The following ADCK5 variants were observed in gnomAD, a reference collection of about 807,000 sequenced individuals.
ADCK5 encodes the protein uncharacterized aarF domain-containing protein kinase 5.
Under a neutral mutation model 64.9 loss-of-function variants are expected in ADCK5, and 43 were observed. That is an observed-to-expected ratio of 0.66 (90% CI 0.52 to 0.85). ADCK5 has a LOEUF of 0.85. Among genes scored for constraint, ADCK5 ranks in the 40% least tolerant of loss-of-function variants. The pLI is 0.00. For missense variants in ADCK5, 760 were observed against 810.5 expected (o/e 0.94, Z 0.76); for synonymous variants, 434 against 342.8 (o/e 1.27, Z -2.94).
chr8:144,388,552 C>T (rs1177969824), intron 3 of ADCK5, among the ~76,000 whole-genome samples: 13 of 151,958 alleles, frequency 8.6e-5, no homozygotes, highest in Non-Finnish European at 1.5e-4. Context: ...ATCACGAGGT[C>T]GGGAGATCGA....
At chr8:144,385,950 C>T (rs1225678521) in intron 3 of ADCK5, among the ~76,000 whole-genome samples, 2 of 150,988 alleles carry the variant, frequency 1.3e-5, no homozygotes, top group Admixed American at 6.6e-5. Flanking sequence ...GGTGACAGAG[C>T]GACTCTCTGT....
At chr8:144,385,358 A>G (rs542401779) in intron 3 of ADCK5, among the ~76,000 whole-genome samples, 1 of 151,354 alleles carries the variant, frequency 6.6e-6, no homozygotes, top group African/African-American at 2.4e-5. Context: ...TAGTTTTTGT[A>G]TTTTTAGTAG....
In ADCK5 at chr8:144,380,169, A is replaced by G. The variant is rs138683002; in HGVS notation, c.116+679A>G. Among the ~76,000 whole-genome samples, 1,190 of 152,286 alleles carry G rather than the reference A, an allele frequency of 7.8e-3. 13 individuals are homozygous for G. The highest frequency in any genetic ancestry group is 0.027 in the African/African-American group (1,137 of 41,558). Reference sequence around the variant, plus strand: ...GTGCACTCAGACACCTGCTGCACTCAGGATTATGGGCCGGGTGTAGAAACA... The same window carrying G: ...GTGCACTCAGACACCTGCTGCACTCGGGATTATGGGCCGGGTGTAGAAACA... On this transcript the variant is annotated intron_variant, in intron 2 of 14. Coordinates refer to ENST00000308860, the MANE Select transcript of ADCK5 (RefSeq NM_174922.5).
Position 144,384,241 on chromosome 8 carries a change from G to A in ADCK5, c.266+1011G>A, listed in dbSNP as rs991330059. Among the ~76,000 whole-genome samples, 26 of 152,010 alleles carry A rather than the reference G, an allele frequency of 1.7e-4. No individual in the cohort carries two copies. The highest frequency in any genetic ancestry group is 5.1e-4 in the African/African-American group (21 of 41,358). On this transcript the variant is annotated intron_variant, in intron 3 of 14. Coordinates refer to ENST00000308860, the MANE Select transcript of ADCK5 (RefSeq NM_174922.5). The surrounding 1 kb of genome is among the most constrained non-coding windows in gnomAD (Gnocchi z 5.7). ...AAAGCCCTTTTGAATGGAGCGTCAG[G>A]GCAGGAAGGAGGCAGGGAGGGTGTG...
chr8:144,381,674 C>G (rs781962472), intron 2 of ADCK5, among the ~76,000 whole-genome samples: 2 of 143,526 alleles, frequency 1.4e-5, no homozygotes, highest in Non-Finnish European at 3.0e-5. Context: ...AGGCACCTCC[C>G]GCAGTCAGAA....
chr8:144,383,180 G>T lies in ADCK5; in HGVS notation c.216G>T (p.Arg72=). ...LGARYVMAEA[R]EKRRMRLVVD... ...CCCGCTATGTCATGGCAGAGGCACG[G>T]GAGAAGAGGAGGATGCGGCTCGTGG... is the stretch of plus-strand genomic sequence containing the variant. Residue 72 remains arginine (R), a synonymous_variant, in exon 3 of 15, where the codon CGG becomes CGT. Transcript: ENST00000308860. 1 of 1,601,336 alleles carries T rather than the reference G, an allele frequency of 6.2e-7. No homozygotes were observed. The highest frequency in any genetic ancestry group is 8.5e-7 in the Non-Finnish European group (1 of 1,173,802).
chr8:144,380,264 A>G (rs1175373708), intron 2 of ADCK5, among the ~76,000 whole-genome samples: 1 of 146,018 alleles, frequency 6.8e-6, no homozygotes, highest in African/African-American at 2.6e-5. Context: ...GTGCTCAGGC[A>G]CCTCCCGCAG....
Position 144,392,021 on chromosome 8 carries a change from C to T in ADCK5, c.1095C>T (p.Asn365=), listed in dbSNP as rs190563627. ...GFIHSDPHPG[N]VLVRKGPDGK... ...TCCACTCGGACCCACATCCTGGCAA[C>T]GGTAGGAATTTACCCCAGGGGTGGG... Residue 365 remains asparagine (N), a splice_region_variant and synonymous_variant, in exon 10 of 15, where the codon AAC becomes AAT. Transcript: ENST00000308860. 3.1e-6 allele frequency: 5 copies of T among 1,612,576 alleles called. No individual in the cohort carries two copies. The Admixed American group carries it at 5.0e-5, about 16-fold the overall frequency.
At position 144,392,822 on chromosome 8, in the gene ADCK5, G is replaced by A. The variant is rs1299822319; in HGVS notation, c.1567G>A (p.Val523Ile). 2 of 1,592,862 alleles carry A rather than the reference G, an allele frequency of 1.3e-6. No individual in the cohort carries two copies. Among genetic ancestry groups the A allele is most frequent in the Non-Finnish European group, 1.7e-6 (2 of 1,174,234 alleles). Residue 523 changes from valine to isoleucine, a missense_variant, in exon 14 of 15, where the codon GTC (valine) becomes ATC (isoleucine). Physicochemically the swap from Val to Ile is conservative, Grantham distance 29 (BLOSUM62 3). Coordinates refer to ENST00000308860, the MANE Select transcript of ADCK5 (RefSeq NM_174922.5). Reference protein sequence around the residue: ...SRLAGATYRGVYGTSLLRHAK... With the variant: ...SRLAGATYRGIYGTSLLRHAK... ...CCTGGCGGGCGCCACGTATCGGGGT[G>A]TCTACGGCACCAGCCTCCTGCGCCA...
chr8:144,393,059 G>C lies in ADCK5; in HGVS notation c.1728G>C (p.Gln576His), dbSNP rs1554861719. The C allele has an allele frequency of 4.4e-6, 7 of 1,581,904 alleles. No homozygotes were observed. The highest frequency in any genetic ancestry group is 6.0e-6 in the Non-Finnish European group (7 of 1,168,532). ...SLVPPAEELY[Q>H]YLET ...TGCCCCCAGCGGAGGAGCTCTACCA[G>C]TACCTGGAGACCTAGGGTGCAGCCG... The change falls in exon 15 of 15, where the codon CAG becomes CAC. Residue 576 changes from glutamine to histidine, a missense_variant. By Grantham distance (24) the Gln-to-His change is conservative. Transcript: ENST00000308860.
In ADCK5 at chr8:144,384,947, C is replaced by T. The variant is rs956548408; in HGVS notation, c.266+1717C>T. Among the ~76,000 whole-genome samples, 2 of 152,128 alleles carry T rather than the reference C, an allele frequency of 1.3e-5. No individual in the cohort carries two copies. Among genetic ancestry groups the T allele is most frequent in the African/African-American group, 4.8e-5 (2 of 41,444 alleles). ...AAGCAGGCCTGTGGAGCTTCCCTGG[C>T]AGGGCACAGGGTAGCCTGGGAACAC... On this transcript the variant is annotated intron_variant, in intron 3 of 14. Transcript: ENST00000308860. The surrounding 1 kb of genome is among the most constrained non-coding windows in gnomAD (Gnocchi z 5.7).
intron 7 of ADCK5, 40 bp downstream of exon 7, chr8:144,391,514 C>CGTAGGCAGAGCTGGTAGGAGCAGCTG: frequency 4.4e-6 from 7 of 1,593,526 alleles, no homozygotes; most frequent in Non-Finnish European, 6.0e-6. Flanking sequence ...GGAGCAAACA[C>CGTAGGCAGAGCTGGTAGGAGCAGCTG]GTAGGCAGAG....
At chr8:144,378,626 T>C (rs1554857551) in intron 1 of ADCK5, among the ~76,000 whole-genome samples, 1 of 152,052 alleles carries the variant, frequency 6.6e-6, no homozygotes, top group Non-Finnish European at 1.5e-5. Flanking sequence ...ACACCTGTAA[T>C]ACCAGCACTT....
At position 144,391,178 on chromosome 8, in the gene ADCK5, G is replaced by A. The variant is rs1554860412; in HGVS notation, c.588G>A (p.Glu196=). 1.2e-6 allele frequency: 2 copies of A among 1,612,168 alleles called. No individual in the cohort carries two copies. Among genetic ancestry groups the A allele is most frequent in the African/African-American group, 1.3e-5 (1 of 75,046 alleles). Residue 196 remains glutamate (E), a synonymous_variant, in exon 6 of 15, where the codon GAG becomes GAA. Transcript: ENST00000308860. ...FLEDFQALPH[E]LFQEFDYQPI... is the part of the protein sequence containing the mutation. ...AGGACTTCCAGGCCCTCCCCCACGAGCTCTTCCAGGAGTTTGACTACCAGC... is the reference window on the plus strand; with the variant it reads ...AGGACTTCCAGGCCCTCCCCCACGAACTCTTCCAGGAGTTTGACTACCAGC...
intron 2 of ADCK5, among the ~76,000 whole-genome samples, chr8:144,381,642 G>T (rs1819652143): frequency 6.8e-6 from 1 of 147,560 alleles, no homozygotes; most frequent in Admixed American, 6.7e-5. Flanking sequence ...TATGGGCCGG[G>T]TGTAGAAACA....
intron 3 of ADCK5, among the ~76,000 whole-genome samples, chr8:144,389,070 C>T (rs1428496318): frequency 6.6e-6 from 1 of 152,224 alleles, no homozygotes; most frequent in Non-Finnish European, 1.5e-5. Context: ...GCGCCTCATT[C>T]CAGGGCTGCC....
In ADCK5 at chr8:144,392,734, G is replaced by T. The variant is rs782061119; in HGVS notation, c.1520+37G>T. On this transcript the variant is annotated intron_variant, in intron 13 of 14. Coordinates refer to ENST00000308860, the MANE Select transcript of ADCK5 (RefSeq NM_174922.5). ...GAGGAGGCGCCCGGGCCGTGGTGGG[G>T]CTGGTGTGGGGCTGACGCGGCGCTA... 1.6e-5 allele frequency: 26 copies of T among 1,588,882 alleles called. No homozygotes were observed. The African/African-American group carries it at 3.5e-4, about 21-fold the overall frequency.
intron 3 of ADCK5, among the ~76,000 whole-genome samples, chr8:144,386,113 A>G (rs1275760664): frequency 6.6e-6 from 1 of 150,776 alleles, no homozygotes; most frequent in Admixed American, 6.6e-5. Flanking sequence ...GGTTCAAGCA[A>G]TTCTCATGCT....
At chr8:144,382,574 G>A (rs976159810) in intron 2 of ADCK5, among the ~76,000 whole-genome samples, 2 of 152,196 alleles carry the variant, frequency 1.3e-5, no homozygotes, top group South Asian at 4.1e-4. Context: ...TGTATTCAGC[G>A]TGTATGGTGA....
Sources: allele counts gnomAD v4.1 joint callset (sites outside exome capture counted in the v4.1 genomes callset), GRCh38; gene constraint gnomAD v4.1.1; non-coding constraint Gnocchi (gnomAD v3.1); transcripts MANE v1.5; gene names NCBI Gene and HGNC (gene_info 2026-07-23, HGNC 2026-07-21).